Variants in NOL4 observed in about 807,000 individuals in gnomAD.
NOL4 encodes the protein nucleolar protein 4, also known as cancer/testis antigen 125.
A neutral mutation model predicts 75.9 loss-of-function variants in NOL4; 17 were observed. The observed-to-expected ratio is 0.22, with a 90% CI of 0.15 to 0.34. NOL4 has a LOEUF of 0.34. Among genes scored for constraint, NOL4 ranks in the 10% least tolerant of loss-of-function variants. NOL4 has a pLI of 1.00. For missense variants in NOL4, 614 were observed against 793.5 expected, an observed-to-expected ratio of 0.77 and a Z score of 2.72; for synonymous variants, 292 against 289.9, an observed-to-expected ratio of 1.01 and a Z score of -0.07.
chr18:34,062,740 T>C (rs986459058), intron 5 of NOL4, among the ~76,000 whole-genome samples: 1 of 152,166 alleles, frequency 6.6e-6, no homozygotes, highest in Non-Finnish European at 1.5e-5. Flanking sequence ...ATGGAAAATA[T>C]GTCTATAGCT....
intron 10 of NOL4, among the ~76,000 whole-genome samples, chr18:33,863,332 T>G (rs2063268043): frequency 6.6e-6 from 1 of 151,938 alleles, no homozygotes; most frequent in Admixed American, 6.6e-5. Context: ...GATGATGAGT[T>G]AATGGGTGCA....
intron 9 of NOL4, among the ~76,000 whole-genome samples, chr18:33,934,402 A>G (rs1412880503): frequency 1.3e-5 from 2 of 152,178 alleles, no homozygotes; most frequent in African/African-American, 4.8e-5. Context: ...CTGTGAAGCC[A>G]GGCATTAATT....
intron 6 of NOL4, among the ~76,000 whole-genome samples, chr18:34,016,686 C>T (rs1224488391): frequency 6.6e-6 from 1 of 152,100 alleles, no homozygotes; most frequent in Non-Finnish European, 1.5e-5. Context: ...TCATTACAGT[C>T]CCTCAGCACC....
chr18:33,926,834 G>A (rs950580689), intron 9 of NOL4, among the ~76,000 whole-genome samples: 37 of 152,246 alleles, frequency 2.4e-4, no homozygotes, highest in Middle Eastern at 3.4e-3. Context: ...TCTTGACCTC[G>A]TGGTCCGCCC....
chr18:34,193,282 C>G (rs1300772385), intron 1 of NOL4, among the ~76,000 whole-genome samples: 1 of 151,954 alleles, frequency 6.6e-6, no homozygotes. Flanking sequence ...CTGAAAAGAT[C>G]CTGCACAGCC....
chr18:33,970,780 T>C lies in NOL4; in HGVS notation c.1057-12362A>G, dbSNP rs180710529. On this transcript the variant is annotated intron_variant, in intron 6 of 10. Coordinates refer to ENST00000261592, the MANE Select transcript of NOL4 (RefSeq NM_003787.5). ...GTGTATGTGTGTGTCAGTGGCAACT[T>C]TGTATGTTATTTCTCTCGGAGTTTC... Among the ~76,000 whole-genome samples the C allele has an allele frequency of 2.4e-3, 365 of 152,030 alleles. 1 individual carries two copies. Among genetic ancestry groups the C allele is most frequent in the Admixed American group, 0.02 (298 of 15,248 alleles).
intron 9 of NOL4, among the ~76,000 whole-genome samples, chr18:33,905,097 TGATAG>T (rs1460525280): frequency 2.0e-5 from 3 of 152,224 alleles, no homozygotes; most frequent in African/African-American, 7.2e-5. Flanking sequence ...AAACATTATA[TGATAG>T]GTCATTGCAA....
At chr18:33,861,260 G>A (rs528176442) in intron 10 of NOL4, among the ~76,000 whole-genome samples, 1 of 152,044 alleles carries the variant, frequency 6.6e-6, no homozygotes, top group African/African-American at 2.4e-5. Context: ...AATCCATCTG[G>A]TCCTGGACTC....
At chr18:33,982,341 G>A (rs2072034528) in intron 6 of NOL4, among the ~76,000 whole-genome samples, 1 of 152,040 alleles carries the variant, frequency 6.6e-6, no homozygotes, top group African/African-American at 2.4e-5. Context: ...AAATACTCAT[G>A]TAATTTAAAA....
At position 33,851,757 on chromosome 18, in the gene NOL4, T is replaced by A. The variant is rs1355292859; in HGVS notation, c.*1085A>T. The A allele has an allele frequency of 6.6e-6, 1 of 152,540 alleles. No homozygotes were observed. Among genetic ancestry groups the A allele is most frequent in the Non-Finnish European group, 1.5e-5 (1 of 68,020 alleles). 9.4% of individuals were successfully genotyped at this position (152,540 alleles called of 1,614,324 possible). A position where few individuals can be genotyped will look rare whatever the true frequency, so the allele number is the denominator to read the frequency against. ...CATTGTAAGTTGCAGCTGCATCCGC[T>A]GAGAGTTCCTTACATTATTTTTAGC... On this transcript the variant is annotated 3_prime_UTR_variant, in exon 11 of 11. Coordinates refer to ENST00000261592, the MANE Select transcript of NOL4 (RefSeq NM_003787.5).
chr18:34,069,320 A>G (rs888893217), intron 5 of NOL4, among the ~76,000 whole-genome samples: 3 of 152,222 alleles, frequency 2.0e-5, no homozygotes, highest in African/African-American at 7.2e-5. Context: ...TTTAAAATCA[A>G]GTGAAAAGGA....
At chr18:34,185,011 C>T (rs1464906116) in intron 1 of NOL4, among the ~76,000 whole-genome samples, 2 of 152,092 alleles carry the variant, frequency 1.3e-5, no homozygotes, top group Non-Finnish European at 2.9e-5. Context: ...CCTGTCATCT[C>T]ATCCTCTAAC....
At chr18:34,134,485 C>T (rs977546300) in intron 1 of NOL4, among the ~76,000 whole-genome samples, 1,353 of 134,730 alleles carry the variant, frequency 0.01, 21 homozygotes, top group African/African-American at 0.033. Flanking sequence ...CACACACACA[C>T]ACACACACAC....
At chr18:34,022,445 G>T (rs1043074791) in intron 5 of NOL4, among the ~76,000 whole-genome samples, 8 of 152,038 alleles carry the variant, frequency 5.3e-5, no homozygotes, top group African/African-American at 1.9e-4. Context: ...ATTTTAACAT[G>T]AAATGTCTAG....
At chr18:34,091,509 T>C (rs1489017388) in intron 5 of NOL4, among the ~76,000 whole-genome samples, 1 of 152,180 alleles carries the variant, frequency 6.6e-6, no homozygotes, top group African/African-American at 2.4e-5. Context: ...GAACAAGCTC[T>C]TCCAGACACT....
intron 5 of NOL4, among the ~76,000 whole-genome samples, chr18:34,085,337 A>G (rs1397123027): frequency 6.6e-6 from 1 of 152,234 alleles, no homozygotes; most frequent in Non-Finnish European, 1.5e-5. Flanking sequence ...CTTTGGATCC[A>G]CATAAACATT....
At chr18:34,181,070 C>T (rs575665144) in intron 1 of NOL4, among the ~76,000 whole-genome samples, 1 of 151,458 alleles carries the variant, frequency 6.6e-6, no homozygotes, top group East Asian at 1.9e-4. Context: ...CAAAAATTGG[C>T]AGGCTAATTC....
chr18:34,222,358 G>A (rs949589940), intron 1 of NOL4: 8 of 1,249,170 alleles, frequency 6.4e-6, no homozygotes, highest in African/African-American at 6.3e-5. Flanking sequence ...GGGCGGGGAG[G>A]AGGAATCTCC....
At chr18:33,895,154 G>A (rs2065323322) in intron 9 of NOL4, among the ~76,000 whole-genome samples, 1 of 151,886 alleles carries the variant, frequency 6.6e-6, no homozygotes, top group African/African-American at 2.4e-5. Context: ...ATGCATTACT[G>A]TGAAAAATAC....
Sources: allele counts gnomAD v4.1 joint callset (sites outside exome capture counted in the v4.1 genomes callset), GRCh38; gene constraint gnomAD v4.1.1; transcripts MANE v1.5; gene names NCBI Gene and HGNC (gene_info 2026-07-23, HGNC 2026-07-21).